Variants in FAT3 observed in about 807,000 individuals in gnomAD.
FAT3 encodes the protein protocadherin Fat 3.
A neutral mutation model predicts 310.2 loss-of-function variants in FAT3; 95 were observed. The ratio of observed to expected loss-of-function variants is 0.31; its 90% CI spans 0.26 to 0.36. The LOEUF (loss-of-function observed/expected upper bound fraction) is 0.36. FAT3 is among the 10% of genes least tolerant of loss of function. FAT3 has a pLI of 1.00. For synonymous variants in FAT3, 2,314 were observed against 2,192.9 expected (o/e 1.06, Z -1.54); for missense variants, 5,408 against 5,715.6 (o/e 0.95, Z 1.74).
intron 4 of FAT3, among the ~76,000 whole-genome samples, chr11:92,722,566 G>A (rs1399148369): frequency 2.0e-5 from 3 of 152,174 alleles, no homozygotes; most frequent in African/African-American, 7.2e-5. Flanking sequence ...TCCACTAGGT[G>A]GTACCCCAGT....
At chr11:92,827,535 T>G (rs539110149) in intron 13 of FAT3, among the ~76,000 whole-genome samples, 1 of 152,278 alleles carries the variant, frequency 6.6e-6, no homozygotes, top group Non-Finnish European at 1.5e-5. Context: ...AGAGGTAAAG[T>G]CCCCTGTCTT....
chr11:92,493,773 G>A (rs546790149), intron 2 of FAT3, among the ~76,000 whole-genome samples: 4 of 152,150 alleles, frequency 2.6e-5, no homozygotes, highest in South Asian at 2.1e-4. Context: ...ACTAACAGAC[G>A]TGCTGAAGGC....
chr11:92,455,414 C>T (rs890369682), intron 2 of FAT3, among the ~76,000 whole-genome samples: 11 of 152,046 alleles, frequency 7.2e-5, no homozygotes, highest in African/African-American at 2.7e-4. Flanking sequence ...TGTGCGGTGT[C>T]GGCTGATATC....
chr11:92,463,552 A>G (rs1464351584), intron 2 of FAT3, among the ~76,000 whole-genome samples: 1 of 152,206 alleles, frequency 6.6e-6, no homozygotes, highest in Non-Finnish European at 1.5e-5. Flanking sequence ...TATTTAGCAT[A>G]GTGACTAGCA....
intron 1 of FAT3, among the ~76,000 whole-genome samples, chr11:92,350,171 T>C (rs529625195): frequency 1.3e-3 from 198 of 152,026 alleles, no homozygotes; most frequent in Non-Finnish European, 2.4e-3. Context: ...AGAAAGGAGG[T>C]ATTCAACAAG....
At chr11:92,324,447 G>A (rs1461415506) in intron 1 of FAT3, among the ~76,000 whole-genome samples, 1 of 152,170 alleles carries the variant, frequency 6.6e-6, no homozygotes, top group Admixed American at 6.5e-5. Context: ...TCAGGGAATA[G>A]GGAGGCCCGA....
chr11:92,790,024 G>A lies in FAT3; in HGVS notation c.4417G>A (p.Val1473Met). 1 of 1,613,816 alleles carries A rather than the reference G, an allele frequency of 6.2e-7. No homozygotes were observed. Among genetic ancestry groups the A allele is most frequent in the Non-Finnish European group, 8.5e-7 (1 of 1,179,748 alleles). The change falls in exon 8 of 28, where the codon GTG becomes ATG. Residue 1473 changes from valine (V) to methionine (M), a missense_variant. Val to Met is a conservative substitution (Grantham distance 21). Transcript: ENST00000525166. ...TTACGATGTGACAATTTCCGAGGATGTGCTTCCAGACACGGAGATCCTGCA... is the reference window on the plus strand; with the variant it reads ...TTACGATGTGACAATTTCCGAGGATATGCTTCCAGACACGGAGATCCTGCA... ...PNYDVTISED[V>M]LPDTEILQIE...
intron 2 of FAT3, among the ~76,000 whole-genome samples, chr11:92,412,736 TATATATATAA>T (rs1253385664): frequency 0.031 from 469 of 14,892 alleles, 54 homozygotes; most frequent in African/African-American, 0.059. Context: ...TATATATATA[TATATATATAA>T]ATATACATAC....
chr11:92,371,154 T>TAA (rs1949175318), intron 2 of FAT3, among the ~76,000 whole-genome samples: 1 of 152,258 alleles, frequency 6.6e-6, no homozygotes, highest in Admixed American at 6.5e-5. Context: ...GAGAAAGAGT[T>TAA]CACTAACTCT....
chr11:92,238,353 A>C (rs1183463052), intron 1 of FAT3, among the ~76,000 whole-genome samples: 1 of 152,150 alleles, frequency 6.6e-6, no homozygotes, highest in East Asian at 1.9e-4. Context: ...CTTTAAGTAA[A>C]ATTGACCACC....
At chr11:92,334,720 G>A (rs772713129) in intron 1 of FAT3, among the ~76,000 whole-genome samples, 3 of 152,160 alleles carry the variant, frequency 2.0e-5, no homozygotes, top group African/African-American at 4.8e-5. Context: ...CTGGTAGAAT[G>A]TGGAAACACT....
intron 1 of FAT3, among the ~76,000 whole-genome samples, chr11:92,258,594 A>G (rs1865408876): frequency 6.6e-6 from 1 of 152,040 alleles, no homozygotes; most frequent in Non-Finnish European, 1.5e-5. Flanking sequence ...GTAGTTGGAG[A>G]TAAAATGGGG....
Position 92,801,508 on chromosome 11 carries a change from A to C in FAT3, c.8495A>C (p.Lys2832Thr), listed in dbSNP as rs1346329105. The change falls in exon 10 of 28, where the codon AAA (lysine) becomes ACA (threonine). Residue 2832 changes from lysine (K) to threonine (T), a missense_variant. By Grantham distance (78) the Lys-to-Thr change is moderately conservative. Coordinates refer to ENST00000525166, the MANE Select transcript of FAT3 (RefSeq NM_001367949.2). ...ATGGAAGGGATGCCTGTTGGCACCA[A>C]ACTCACACAAGTGAGAGCTATTGAT... ...IIMEGMPVGT[K>T]LTQVRAIDMD... 1 of 1,611,530 alleles carries C rather than the reference A, an allele frequency of 6.2e-7. No individual in the cohort carries two copies. The highest frequency in any genetic ancestry group is 1.3e-5 in the African/African-American group (1 of 74,918).
rs541005684 is a variant in FAT3, at chr11:92,857,153, C to T, written c.11366-61C>T. ...GTTCCCTTTGAACCTTTTCTATCTT[C>T]CCTGGAGTGCAGGGTGAATCCCTTT... is the stretch of plus-strand genomic sequence containing the variant. On this transcript the variant is annotated intron_variant, in intron 19 of 27. Transcript: ENST00000525166. 6 of 1,611,810 alleles carry T rather than the reference C, an allele frequency of 3.7e-6. No individual in the cohort carries two copies. The Admixed American group carries it at 6.7e-5, about 18-fold the overall frequency.
intron 4 of FAT3, among the ~76,000 whole-genome samples, chr11:92,741,688 G>A (rs1945515121): frequency 6.6e-6 from 1 of 152,120 alleles, no homozygotes; most frequent in Admixed American, 6.6e-5. Flanking sequence ...TCTTGTGGAA[G>A]TAATTAAAAT....
intron 1 of FAT3, among the ~76,000 whole-genome samples, chr11:92,313,829 A>T (rs1361426250): frequency 6.6e-6 from 1 of 152,208 alleles, no homozygotes; most frequent in Non-Finnish European, 1.5e-5. Flanking sequence ...AAGTGCTGGG[A>T]TGACAGGCAT....
At chr11:92,378,045 T>G (rs1949394133) in intron 2 of FAT3, among the ~76,000 whole-genome samples, 1 of 152,222 alleles carries the variant, frequency 6.6e-6, no homozygotes, top group African/African-American at 2.4e-5. Flanking sequence ...TGTCATTTTT[T>G]TCAGCCATTT....
intron 2 of FAT3, among the ~76,000 whole-genome samples, chr11:92,427,496 G>C (rs1296039430): frequency 1.3e-5 from 2 of 152,098 alleles, no homozygotes; most frequent in Non-Finnish European, 2.9e-5. Context: ...TATGATATTG[G>C]CTGTGGATTT....
chr11:92,671,915 G>A (rs1943139761), intron 3 of FAT3, among the ~76,000 whole-genome samples: 1 of 152,060 alleles, frequency 6.6e-6, no homozygotes. Context: ...AGACCAGCCT[G>A]GACAATATGG....
Sources: gnomAD v4.1 joint callset for allele counts (sites outside exome capture counted in the v4.1 genomes callset) on GRCh38, gnomAD v4.1.1 for gene constraint, MANE v1.5 for transcripts, NCBI Gene and HGNC (gene_info 2026-07-23, HGNC 2026-07-21) for gene names.